Variants in GPSM2 observed in about 807,000 individuals in gnomAD.
GPSM2 encodes the protein G protein signaling modulator 2, also known as G protein-signaling modulator 2.
In GPSM2, 58 loss-of-function variants were observed where a neutral mutation model predicts 78.4. The ratio of observed to expected loss-of-function variants is 0.74; its 90% CI spans 0.60 to 0.92. GPSM2 has a LOEUF of 0.92. Among genes scored for constraint, GPSM2 ranks in the 40% least tolerant of loss-of-function variants. GPSM2 has a pLI of 0.00. For missense variants in GPSM2, 700 were observed against 815.5 expected, an observed-to-expected ratio of 0.86 and a Z score of 1.73; for synonymous variants, 224 against 280.2, an observed-to-expected ratio of 0.80 and a Z score of 2.00.
chr1:108,931,297 G>A lies in GPSM2; in HGVS notation c.*1357G>A. On this transcript the variant is annotated 3_prime_UTR_variant, in exon 15 of 15. Transcript: ENST00000264126. ...AGAACCTTAGTTGTCATTAAGCTTTGTCTTCCTTATCCCAGATATTGAAGG... is the reference window on the plus strand; with the variant it reads ...AGAACCTTAGTTGTCATTAAGCTTTATCTTCCTTATCCCAGATATTGAAGG... The A allele has an allele frequency of 6.5e-7, 1 of 1,531,508 alleles. No homozygotes were observed. Among genetic ancestry groups the A allele is most frequent in the East Asian group, 2.5e-5 (1 of 40,566 alleles). The allele number at this position is 1,531,508 out of a possible 1,614,324, so 94.9% of individuals were successfully genotyped here. A position where few individuals can be genotyped will look rare whatever the true frequency, so the allele number is the denominator to read the frequency against.
Position 108,896,860 on chromosome 1 carries a change from G to A in GPSM2, c.57-4G>A, listed in dbSNP as rs1648404832. Reference sequence around the variant, plus strand: ...TTAAATGTCTGTCCTGTATAATTTTGTAGAATGGAAGCTTCTTGCCTAGAG... The same window carrying A: ...TTAAATGTCTGTCCTGTATAATTTTATAGAATGGAAGCTTCTTGCCTAGAG... On this transcript the variant is annotated splice_polypyrimidine_tract_variant and splice_region_variant and intron_variant, in intron 2 of 14. Transcript: ENST00000264126. The A allele has an allele frequency of 6.2e-7, 1 of 1,602,304 alleles. No homozygotes were observed. The highest frequency in any genetic ancestry group is 8.6e-7 in the Non-Finnish European group (1 of 1,169,208).
In GPSM2 at chr1:108,934,515, G is replaced by T; in HGVS notation, c.*4575G>T. 1 of 794,850 alleles carries T rather than the reference G, an allele frequency of 1.3e-6. No individual in the cohort carries two copies. The highest frequency in any genetic ancestry group is 1.9e-6 in the Non-Finnish European group (1 of 518,674). 49.2% of individuals were successfully genotyped at this position (794,850 alleles called of 1,614,324 possible). ...TATAACGTGTTTGTTAATTCTAATT[G>T]TCAGTAAAAATGTGAATGTTGAAGT... On this transcript the variant is annotated 3_prime_UTR_variant, in exon 15 of 15. Coordinates refer to ENST00000264126, the MANE Select transcript of GPSM2 (RefSeq NM_013296.5).
rs1650795603 is a variant in GPSM2 at position 108,922,559 on chromosome 1, C to CT, written c.1584dup (p.Lys529Ter). 1 of 1,612,394 alleles carries CT rather than the reference C, an allele frequency of 6.2e-7. No individual in the cohort carries two copies. Among genetic ancestry groups the CT allele is most frequent in the African/African-American group, 1.3e-5 (1 of 74,930 alleles). The stretch of plus-strand genomic sequence containing the variant: ...TCAACAACAACTTCTTCCACTCCCC[C>CT]TAAAATGATGCTAAAAAGTAAGTCA... On this transcript the variant is annotated frameshift_variant, in exon 13 of 15. Transcript: ENST00000264126. LOFTEE classifies it high-confidence loss of function.
chr1:108,901,912 A>G lies in GPSM2; in HGVS notation c.920A>G (p.Lys307Arg). 6.2e-7 allele frequency: 1 copy of G among 1,612,074 alleles called. No individual in the cohort carries two copies. The highest frequency in any genetic ancestry group is 8.5e-7 in the Non-Finnish European group (1 of 1,178,124). The part of the protein sequence containing the change: ...DYEKAIDYHL[K>R]HLAIAQELND... ...GAAAAGGCCATTGATTATCATCTGA[A>G]GCACTTAGCAATTGCTCAAGAGCTG... Residue 307 changes from lysine to arginine, a missense_variant, in exon 8 of 15, where the codon AAG (lysine) becomes AGG (arginine). Lys to Arg is a conservative substitution (Grantham distance 26). Transcript: ENST00000264126.
chr1:108,890,048 G>A (rs958583769), intron 2 of GPSM2, among the ~76,000 whole-genome samples: 9 of 152,104 alleles, frequency 5.9e-5, no homozygotes, highest in African/African-American at 1.2e-4. Context: ...GATACAGCTC[G>A]GAGATTATCT....
intron 2 of GPSM2, among the ~76,000 whole-genome samples, chr1:108,894,611 T>C (rs146820498): frequency 6.0e-4 from 92 of 152,184 alleles, no homozygotes; most frequent in South Asian, 2.1e-3. Flanking sequence ...GGCACGAGAA[T>C]CACTTGAACC....
intron 2 of GPSM2, among the ~76,000 whole-genome samples, chr1:108,887,544 C>T (rs1296187137): frequency 6.6e-6 from 1 of 152,218 alleles, no homozygotes; most frequent in Admixed American, 6.5e-5. Flanking sequence ...GTTTCTCTGC[C>T]TCCCAGACTT....
At chr1:108,897,375 C>A (rs1648449148) in intron 3 of GPSM2, 117 bp from the exon 4 acceptor site, 1 of 991,880 alleles carries the variant, frequency 1.0e-6, no homozygotes, top group Non-Finnish European at 1.5e-6. Flanking sequence ...GTTTTTCTTA[C>A]CTTAAGCATG....
rs1234354670 is a variant in GPSM2, at chr1:108,930,830, G to C, written c.*890G>C. ...CTTGAACCCCTGGGAGGCAGAGATT[G>C]CAGTGAGCTGAGACCAAGCCACTGG... On this transcript the variant is annotated 3_prime_UTR_variant, in exon 15 of 15. Transcript: ENST00000264126. 1.3e-5 allele frequency: 2 copies of C among 152,566 alleles called. No homozygotes were observed. The highest frequency in any genetic ancestry group is 4.8e-5 in the African/African-American group (2 of 41,346). 9.5% of individuals were successfully genotyped at this position (152,566 alleles called of 1,614,324 possible). A position where few individuals can be genotyped will look rare whatever the true frequency, so the allele number is the denominator to read the frequency against.
intron 14 of GPSM2, among the ~76,000 whole-genome samples, chr1:108,927,516 G>A (rs1453730457): frequency 6.6e-6 from 1 of 152,124 alleles, no homozygotes; most frequent in African/African-American, 2.4e-5. Context: ...TATGCAACAG[G>A]GGTGCCAAGA....
chr1:108,897,996 T>C lies in GPSM2; in HGVS notation c.452T>C (p.Val151Ala). Residue 151 changes from valine (V) to alanine (A), a missense_variant, in exon 5 of 15, where the codon GTG becomes GCG. Physicochemically the swap from Val to Ala is moderately conservative, Grantham distance 64. Transcript: ENST00000264126. ...EARALYNLGNVYHAKGKSFGC... is the reference protein window; with the variant it reads ...EARALYNLGNAYHAKGKSFGC... ...AGAGCACTTTACAATCTTGGGAATGTGTATCATGCCAAAGGGAAAAGTTTT... is the reference window on the plus strand; with the variant it reads ...AGAGCACTTTACAATCTTGGGAATGCGTATCATGCCAAAGGGAAAAGTTTT... 6.2e-7 allele frequency: 1 copy of C among 1,613,962 alleles called. No homozygotes were observed. The highest frequency in any genetic ancestry group is 8.5e-7 in the Non-Finnish European group (1 of 1,179,814).
At chr1:108,887,780 G>A (rs1443935663) in intron 2 of GPSM2, among the ~76,000 whole-genome samples, 2 of 152,176 alleles carry the variant, frequency 1.3e-5, no homozygotes, top group African/African-American at 2.4e-5. Context: ...TCCGTGTGTG[G>A]AGCTCAGCCT....
At chr1:108,891,367 C>G (rs35100394) in intron 2 of GPSM2, among the ~76,000 whole-genome samples, 13,967 of 152,174 alleles carry the variant, frequency 0.092, 695 homozygotes, top group Non-Finnish European at 0.1. Flanking sequence ...ATGGAAAGAC[C>G]ACTGGATTTG....
At position 108,908,651 on chromosome 1, in the gene GPSM2, CAG is replaced by C. The variant is rs534785879; in HGVS notation, c.1192+4405_1192+4406del. Among the ~76,000 whole-genome samples, 170 of 148,310 alleles carry C rather than the reference CAG, an allele frequency of 1.1e-3. 1 individual carries two copies. Among genetic ancestry groups the C allele is most frequent in the Middle Eastern group, 7.0e-3 (2 of 286 alleles). The stretch of plus-strand genomic sequence containing the variant: ...GATCGCGCCACTGCACTCCAGCCGA[CAG>C]AGAGAGACTCCGTCTCAAAACACAC... On this transcript the variant is annotated intron_variant, in intron 10 of 14. Transcript: ENST00000264126.
intron 14 of GPSM2, among the ~76,000 whole-genome samples, chr1:108,925,854 G>A (rs886449943): frequency 2.0e-4 from 31 of 151,568 alleles, no homozygotes; most frequent in African/African-American, 6.8e-4. Flanking sequence ...GGGTGAAAAC[G>A]TAGTTTATCT....
chr1:108,882,763 A>G (rs1276056384), intron 1 of GPSM2: 4 of 152,248 alleles, frequency 2.6e-5, no homozygotes, highest in Non-Finnish European at 4.4e-5. Context: ...TATTGCAATG[A>G]GTATCCACAC....
intron 11 of GPSM2, among the ~76,000 whole-genome samples, chr1:108,915,413 TTTTA>T (rs1650121559): frequency 6.6e-6 from 1 of 151,324 alleles, no homozygotes; most frequent in South Asian, 2.1e-4. Context: ...TTATGTATAT[TTTTA>T]TTTCTTTTTT....
In GPSM2 at chr1:108,898,091, G is replaced by C. The variant is rs148984571; in HGVS notation, c.547G>C (p.Asp183His). 3 of 1,613,908 alleles carry C rather than the reference G, an allele frequency of 1.9e-6. No individual in the cohort carries two copies. The highest frequency in any genetic ancestry group is 1.7e-6 in the Non-Finnish European group (2 of 1,179,918). Residue 183 changes from aspartate (D) to histidine (H), a missense_variant, in exon 5 of 15, where the codon GAT (aspartate) becomes CAT (histidine). Asp to His is a moderately conservative substitution (Grantham distance 81, BLOSUM62 -1). Coordinates refer to ENST00000264126, the MANE Select transcript of GPSM2 (RefSeq NM_013296.5). The stretch of plus-strand genomic sequence containing the variant: ...GAGAGATGCTCTGCAGGCAGCCGTG[G>C]ATTTTTATGAGTGAGTAGGGGCTGA... ...EVRDALQAAVDFYEENLSLVT... is the reference protein window; with the variant it reads ...EVRDALQAAVHFYEENLSLVT...
chr1:108,898,144 G>T, intron 5 of GPSM2, 43 bp downstream of exon 5: 1 of 1,582,740 alleles, frequency 6.3e-7, no homozygotes, highest in Non-Finnish European at 8.7e-7. Context: ...GCCCATCTAA[G>T]CCGTGGATCT....
Sources: gnomAD v4.1 joint callset for allele counts (sites outside exome capture counted in the v4.1 genomes callset) on GRCh38, gnomAD v4.1.1 for gene constraint, MANE v1.5 for transcripts, NCBI Gene and HGNC (gene_info 2026-07-23, HGNC 2026-07-21) for gene names.